RPS6KC1: variants seen among roughly 807,000 people sequenced by gnomAD.
The protein encoded by RPS6KC1 is inactive ribosomal protein S6 kinase delta-1.
In RPS6KC1, 54 loss-of-function variants were observed where a neutral mutation model predicts 103.8. That is an observed-to-expected ratio of 0.52 (90% CI 0.42 to 0.65). The LOEUF is 0.65. RPS6KC1 is among the 30% of genes least tolerant of loss of function. The pLI, the probability that RPS6KC1 is intolerant of heterozygous loss-of-function variation, is 0.00. For synonymous variants in RPS6KC1, 439 were observed against 438.7 expected (o/e 1.00, Z -0.01); for missense variants, 1,151 against 1,253.8 (o/e 0.92, Z 1.24).
At chr1:213,156,156 A>G (rs1320340264) in intron 6 of RPS6KC1, among the ~76,000 whole-genome samples, 1 of 152,194 alleles carries the variant, frequency 6.6e-6, no homozygotes, top group Non-Finnish European at 1.5e-5. Flanking sequence ...AAGTGGAGAC[A>G]TGTAAGAATT....
chr1:213,240,858 G>C lies in RPS6KC1; in HGVS notation c.1382G>C (p.Ser461Thr). 1 of 1,613,944 alleles carries C rather than the reference G, an allele frequency of 6.2e-7. No homozygotes were observed. The highest frequency in any genetic ancestry group is 8.5e-7 in the Non-Finnish European group (1 of 1,179,904). ...QDSSSFESRG[S>T]DGGSMLKALP... ...AGCAGTAGCTTTGAATCCAGAGGAA[G>C]TGATGGTGGAAGCATGCTTAAAGCT... The change falls in exon 11 of 15, where the codon AGT becomes ACT. Residue 461 changes from serine to threonine, a missense_variant. Around this residue, in one of 3 missense-constraint regions of RPS6KC1, gnomAD observed 959 missense variants for 1,006.3 expected, o/e 0.95. Transcript: ENST00000366960.
intron 1 of RPS6KC1, among the ~76,000 whole-genome samples, chr1:213,066,726 T>G (rs560471152): frequency 2.0e-5 from 3 of 152,180 alleles, no homozygotes; most frequent in African/African-American, 7.2e-5. Context: ...AGGGAGAAAA[T>G]GTGATTATCT....
At chr1:213,557,274 A>G in the RPS6KC1 span, among the ~76,000 whole-genome samples, 1 of 152,158 alleles carries the variant, frequency 6.6e-6, no homozygotes, top group Non-Finnish European at 1.5e-5. Context: ...TCATCAACCC[A>G]GAATTCTTGA....
the RPS6KC1 span, among the ~76,000 whole-genome samples, chr1:213,715,445 T>C: frequency 6.6e-6 from 1 of 152,224 alleles, no homozygotes; most frequent in Admixed American, 6.5e-5. Flanking sequence ...AGTGAATTTC[T>C]AAGATATCCT....
At chr1:213,398,196 CTTTTTTT>C in the RPS6KC1 span, among the ~76,000 whole-genome samples, 3 of 109,480 alleles carry the variant, frequency 2.7e-5, no homozygotes, top group Non-Finnish European at 5.3e-5. Context: ...CACACCTGGC[CTTTTTTT>C]TTTTTTTTTT....
the RPS6KC1 span, among the ~76,000 whole-genome samples, chr1:213,609,417 C>G: frequency 1.7e-3 from 263 of 152,272 alleles, no homozygotes; most frequent in African/African-American, 6.1e-3. Context: ...GTTTGTGTTG[C>G]ATGTGTTGGC....
chr1:213,271,618 G>C (rs2095048790), intron 14 of RPS6KC1, among the ~76,000 whole-genome samples: 2 of 152,096 alleles, frequency 1.3e-5, no homozygotes, highest in African/African-American at 4.8e-5. Flanking sequence ...ACAAAAATTA[G>C]CCGGGCATGG....
chr1:213,415,602 C>T, the RPS6KC1 span, among the ~76,000 whole-genome samples: 5 of 152,208 alleles, frequency 3.3e-5, no homozygotes, highest in African/African-American at 9.7e-5. Flanking sequence ...TGGGATAGCT[C>T]AGCCCAGGGC....
chr1:213,853,638 A>G, the RPS6KC1 span, among the ~76,000 whole-genome samples: 1 of 152,228 alleles, frequency 6.6e-6, no homozygotes, highest in African/African-American at 2.4e-5. Flanking sequence ...TCTTTGGCTT[A>G]ACACTTGTTT....
chr1:213,303,752 G>T, the RPS6KC1 span, among the ~76,000 whole-genome samples: 1 of 152,016 alleles, frequency 6.6e-6, no homozygotes, highest in Non-Finnish European at 1.5e-5. Flanking sequence ...TTACCAAAAG[G>T]TTTTATAAAT....
the RPS6KC1 span, among the ~76,000 whole-genome samples, chr1:213,629,092 A>G: frequency 8.5e-5 from 13 of 152,158 alleles, no homozygotes; most frequent in Admixed American, 1.3e-4. Flanking sequence ...GTAGATGTCT[A>G]TTAGGTCTGC....
At chr1:213,232,083 TGC>T in intron 9 of RPS6KC1, 38 bp from the exon 10 acceptor site, 1 of 159,542 alleles carries the variant, frequency 6.3e-6, no homozygotes, top group Non-Finnish European at 9.1e-6. Context: ...CAACTGAGGA[TGC>T]AACTGAGGAT....
the RPS6KC1 span, among the ~76,000 whole-genome samples, chr1:213,325,749 G>A: frequency 6.6e-6 from 1 of 152,212 alleles, no homozygotes; most frequent in Non-Finnish European, 1.5e-5. Flanking sequence ...GGCCTTATGG[G>A]AAAATTAGAG....
chr1:213,194,190 G>A (rs368143517), intron 8 of RPS6KC1, among the ~76,000 whole-genome samples: 7 of 151,894 alleles, frequency 4.6e-5, no homozygotes, highest in African/African-American at 1.4e-4. Context: ...TTTATTTTCC[G>A]CCTGTGTGTC....
chr1:213,467,195 G>A, the RPS6KC1 span, among the ~76,000 whole-genome samples: 1 of 152,106 alleles, frequency 6.6e-6, no homozygotes, highest in Admixed American at 6.6e-5. Flanking sequence ...AAGAACATAT[G>A]GAAGGAATCA....
the RPS6KC1 span, among the ~76,000 whole-genome samples, chr1:213,570,277 A>C: frequency 6.6e-6 from 1 of 152,184 alleles, no homozygotes; most frequent in Non-Finnish European, 1.5e-5. Flanking sequence ...TATTGTAAAG[A>C]TTAAGTGAGA....
At chr1:213,440,593 T>TAAAAAAAAAAAAA in the RPS6KC1 span, among the ~76,000 whole-genome samples, 1 of 100,382 alleles carries the variant, frequency 1.0e-5, no homozygotes, top group East Asian at 3.1e-4. Context: ...TTAATGGAAC[T>TAAAAAAAAAAAAA]AAAAAAAAAA....
At chr1:213,155,664 C>T (rs2089802737) in intron 6 of RPS6KC1, among the ~76,000 whole-genome samples, 1 of 151,332 alleles carries the variant, frequency 6.6e-6, no homozygotes, top group African/African-American at 2.4e-5. Context: ...TTCGGGACTG[C>T]TTTTTTTTTG....
At chr1:213,558,742 G>T in the RPS6KC1 span, among the ~76,000 whole-genome samples, 1 of 152,168 alleles carries the variant, frequency 6.6e-6, no homozygotes, top group Admixed American at 6.5e-5. Flanking sequence ...GTAACCTATT[G>T]TTGTGCCAAT....
Sources: gnomAD v4.1 joint callset for allele counts (sites outside exome capture counted in the v4.1 genomes callset) on GRCh38, gnomAD v4.1.1 for gene constraint, gnomAD v4.1.1 regional missense constraint, MANE v1.5 for transcripts, NCBI Gene and HGNC (gene_info 2026-07-23, HGNC 2026-07-21) for gene names.